The following STAG2 variants were observed in gnomAD, a reference collection of about 807,000 sequenced individuals.
STAG2 encodes cohesin subunit SA-2.
In STAG2, 14 loss-of-function variants were observed where a neutral mutation model predicts 108.1. The ratio of observed to expected loss-of-function variants is 0.13; its 90% CI spans 0.09 to 0.20. The LOEUF (loss-of-function observed/expected upper bound fraction) is 0.20. Among genes scored for constraint, STAG2 ranks in the 10% least tolerant of loss-of-function variants. STAG2 has a pLI of 1.00. For synonymous variants in STAG2, 307 were observed against 302.7 expected (o/e 1.01, Z -0.15); for missense variants, 440 against 940.9 (o/e 0.47, Z 6.96).
intron 14 of STAG2, among the ~76,000 whole-genome samples, chrX:124,056,925 C>G (rs2058222965): frequency 9.5e-6 from 1 of 105,505 alleles, no homozygotes; most frequent in South Asian, 4.3e-4. Flanking sequence ...GAGCCTCTCT[C>G]TGTTGCCCAG....
At chrX:123,998,501 A>G (rs891135018) in intron 1 of STAG2, among the ~76,000 whole-genome samples, 12 of 104,726 alleles carry the variant, frequency 1.1e-4, no homozygotes, top group Non-Finnish European at 2.3e-4. Flanking sequence ...TTTTTTTTTA[A>G]GGAACAGTTA....
chrX:124,016,611 G>C (rs1309506646), intron 1 of STAG2, among the ~76,000 whole-genome samples: 1 of 111,328 alleles, frequency 9.0e-6, no homozygotes, highest in African/African-American at 3.3e-5. Context: ...TAGGGAGTTG[G>C]CCAGGTCAAT....
chrX:123,998,178 T>TC (rs2055838976), intron 1 of STAG2, among the ~76,000 whole-genome samples: 1 of 103,980 alleles, frequency 9.6e-6, no homozygotes, highest in African/African-American at 3.5e-5. Context: ...ATTTTTTTTT[T>TC]TTTTTTTTGC....
Position 124,021,410 on chromosome X carries a change from A to G in STAG2, c.-119A>G, listed in dbSNP as rs370410456. 1 of 112,063 alleles carries G rather than the reference A, an allele frequency of 8.9e-6. No homozygotes were observed. The highest frequency in any genetic ancestry group is 3.2e-5 in the African/African-American group (1 of 30,865). The allele number at this position is 112,063 out of a possible 1,213,427, so 9.2% of individuals were successfully genotyped here. On this transcript the variant is annotated 5_prime_UTR_variant, in exon 2 of 35. Transcript: ENST00000371145. ...ATTCACTTGGGAATAAAAGAAAAAC[A>G]TAAGAAAATTATAAGAGAAAGGTAC...
At chrX:123,992,373 G>C (rs1266708836) in intron 1 of STAG2, among the ~76,000 whole-genome samples, 2 of 110,889 alleles carry the variant, frequency 1.8e-5, no homozygotes, top group Non-Finnish European at 3.8e-5. Flanking sequence ...CCACAGTGCT[G>C]CTACAGATAT....
Position 124,101,758 on chromosome X carries a change from A to C in STAG2, c.*1161A>C, listed in dbSNP as rs2059510707. On this transcript the variant is annotated 3_prime_UTR_variant, in exon 35 of 35. Transcript: ENST00000371145. ...TTCCTCTGTATGTAAATTAGATGGG[A>C]TAATAGAATTCATAACCCATAATAT... is the stretch of plus-strand genomic sequence containing the variant. 1 of 161,179 alleles carries C rather than the reference A, an allele frequency of 6.2e-6. No homozygotes were observed. Among genetic ancestry groups the C allele is most frequent in the Non-Finnish European group, 1.2e-5 (1 of 83,196 alleles). The allele number at this position is 161,179 out of a possible 1,213,427, so 13.3% of individuals were successfully genotyped here.
chrX:124,018,065 T>G (rs960171833), intron 1 of STAG2, among the ~76,000 whole-genome samples: 7 of 112,142 alleles, frequency 6.2e-5, no homozygotes, highest in African/African-American at 2.3e-4. Flanking sequence ...TAGTTGTTGC[T>G]GGATAGGTTT....
intron 1 of STAG2, among the ~76,000 whole-genome samples, chrX:123,990,962 C>G (rs2147758445): frequency 8.9e-6 from 1 of 111,887 alleles, no homozygotes; most frequent in Non-Finnish European, 1.9e-5. Flanking sequence ...TACTTGAAAA[C>G]CATACCTGAG....
intron 3 of STAG2, 27 bp from the exon 4 acceptor site, chrX:124,025,813 G>T (rs959448197): frequency 9.4e-7 from 1 of 1,064,040 alleles, no homozygotes; most frequent in Non-Finnish European, 1.3e-6. Flanking sequence ...CTAAGGAAGG[G>T]TTTTAATTCT....
chrX:124,074,915 T>C (rs967131066), intron 25 of STAG2, among the ~76,000 whole-genome samples: 1 of 112,393 alleles, frequency 8.9e-6, no homozygotes, highest in Non-Finnish European at 1.9e-5. Flanking sequence ...TTGTCCATTA[T>C]AGTGACAGAG....
chrX:124,028,820 A>G (rs1486668670), intron 4 of STAG2, among the ~76,000 whole-genome samples: 3 of 27,772 alleles, frequency 1.1e-4, no homozygotes, highest in Non-Finnish European at 1.5e-4. Context: ...ATATATATAT[A>G]TATTTTTTTT....
At chrX:124,087,831 A>G (rs1230263499) in intron 30 of STAG2, among the ~76,000 whole-genome samples, 3 of 112,374 alleles carry the variant, frequency 2.7e-5, no homozygotes, top group African/African-American at 9.7e-5. Context: ...TTCATTTATG[A>G]TCAAGTGCTT....
chrX:123,998,620 ATCTATCTATCTAT>A (rs1189089855), intron 1 of STAG2, among the ~76,000 whole-genome samples: 21 of 107,284 alleles, frequency 2.0e-4, no homozygotes, highest in Non-Finnish European at 3.5e-4. Context: ...CTATCTATCT[ATCTATCTATCTAT>A]CTAACTAACT....
intron 1 of STAG2, among the ~76,000 whole-genome samples, chrX:123,962,442 T>C (rs777231206): frequency 1.3e-4 from 15 of 111,600 alleles, no homozygotes; most frequent in Non-Finnish European, 2.1e-4. Context: ...GGTGCATATG[T>C]CATTTTATTT....
chrX:124,024,722 T>G (rs1258660211), intron 3 of STAG2, among the ~76,000 whole-genome samples: 1 of 112,136 alleles, frequency 8.9e-6, no homozygotes, highest in Admixed American at 9.5e-5. Flanking sequence ...CTGGTTATTG[T>G]AGCAATAAAA....
At chrX:124,088,956 C>T (rs1424132089) in intron 30 of STAG2, among the ~76,000 whole-genome samples, 1 of 89,337 alleles carries the variant, frequency 1.1e-5, no homozygotes, top group Non-Finnish European at 2.1e-5. Context: ...TGCTCTGTTG[C>T]TGAGGCTGGA....
At chrX:123,960,835 C>G (rs948453973), upstream of STAG2, 1 of 109,619 alleles carries the variant, frequency 9.1e-6, no homozygotes. Flanking sequence ...CGAACAGTCT[C>G]GTTGCTGCCT....
At chrX:124,071,461 T>A in intron 25 of STAG2, 138 bp downstream of exon 25, 1 of 476,314 alleles carries the variant, frequency 2.1e-6, no homozygotes, top group Non-Finnish European at 3.2e-6. Context: ...CAGCACAATT[T>A]ATGTTCATTT....
At chrX:124,059,593 A>G (rs1485786375) in intron 15 of STAG2, among the ~76,000 whole-genome samples, 2 of 111,896 alleles carry the variant, frequency 1.8e-5, no homozygotes, top group African/African-American at 3.2e-5. Context: ...GAATCAACCT[A>G]CTTGTTCATG....
Sources: allele counts gnomAD v4.1 joint callset (sites outside exome capture counted in the v4.1 genomes callset), GRCh38; gene constraint gnomAD v4.1.1; transcripts MANE v1.5; gene names NCBI Gene and HGNC (gene_info 2026-07-23, HGNC 2026-07-21).